The following TOMM70 variants were observed in gnomAD, a reference collection of about 807,000 sequenced individuals.
TOMM70 encodes mitochondrial import receptor subunit TOM70.
TOMM70 carries 13 observed loss-of-function variants against 73.6 expected under a neutral mutation model. The observed-to-expected ratio is 0.18, with a 90% CI of 0.11 to 0.28. The LOEUF (loss-of-function observed/expected upper bound fraction) is 0.28, where lower values mean the gene tolerates loss of function less well. Among genes scored for constraint, TOMM70 ranks in the 10% least tolerant of loss-of-function variants. The probability of loss-of-function intolerance (pLI) is 1.00; values close to 1 mark genes in which losing one functional copy is unlikely to be tolerated. For missense variants in TOMM70, 609 were observed against 747.5 expected, an observed-to-expected ratio of 0.81 and a Z score of 2.16; for synonymous variants, 257 against 271.2, an observed-to-expected ratio of 0.95 and a Z score of 0.51.
At chr3:100,371,586 T>C (rs879385544) in intron 9 of TOMM70, among the ~76,000 whole-genome samples, 4 of 152,194 alleles carry the variant, frequency 2.6e-5, no homozygotes, top group Middle Eastern at 3.4e-3. Context: ...TAATTTGTTA[T>C]CGTTTCCTAT....
At position 100,372,715 on chromosome 3, in the gene TOMM70, T is replaced by G. The variant is rs1455687980; in HGVS notation, c.1343A>C (p.Gln448Pro). Residue 448 changes from glutamine (Q) to proline (P), a missense_variant, in exon 9 of 12, where the codon CAG (glutamine) becomes CCG (proline). Around this residue, in one of 2 missense-constraint regions of TOMM70, gnomAD observed 432 missense variants for 584.1 expected, o/e 0.74. Transcript: ENST00000284320. ...TGAAGAGTTGTTTCCCGTATATGCC[T>G]GGCGGTACTATAAAAAATCAAAACA... ...QAQKCFALYRQAYTGNNSSQI... is the reference protein window; with the variant it reads ...QAQKCFALYRPAYTGNNSSQI... 1 of 1,612,716 alleles carries G rather than the reference T, an allele frequency of 6.2e-7. No homozygotes were observed. The highest frequency in any genetic ancestry group is 1.7e-5 in the Admixed American group (1 of 59,756).
chr3:100,364,878 A>G lies in TOMM70; in HGVS notation c.*686T>C, dbSNP rs1706431249. ...TACTCAGTCTTCCAACACATATATCAATTAGAATATTTTGCATCTGCATAA... is the reference window on the plus strand; with the variant it reads ...TACTCAGTCTTCCAACACATATATCGATTAGAATATTTTGCATCTGCATAA... On this transcript the variant is annotated 3_prime_UTR_variant, in exon 12 of 12. Transcript: ENST00000284320. 1 of 152,146 alleles carries G rather than the reference A, an allele frequency of 6.6e-6. No individual in the cohort carries two copies. The highest frequency in any genetic ancestry group is 2.4e-5 in the African/African-American group (1 of 41,420). The allele number at this position is 152,146 out of a possible 1,614,324, so 9.4% of individuals were successfully genotyped here.
At chr3:100,389,942 A>C (rs1706740024) in intron 1 of TOMM70, among the ~76,000 whole-genome samples, 1 of 152,150 alleles carries the variant, frequency 6.6e-6, no homozygotes, top group South Asian at 2.1e-4. Context: ...CAGGAGGCTA[A>C]GGCAGAAGAA....
intron 3 of TOMM70, 99 bp downstream of exon 3, chr3:100,386,119 A>G: frequency 7.3e-7 from 1 of 1,368,566 alleles, no homozygotes; most frequent in Admixed American, 2.3e-5. Context: ...ACTTTTAAAA[A>G]CAACTGATTC....
intron 1 of TOMM70, among the ~76,000 whole-genome samples, chr3:100,395,998 A>G (rs1706821567): frequency 6.7e-6 from 1 of 148,978 alleles, no homozygotes; most frequent in Non-Finnish European, 1.5e-5. Flanking sequence ...CTAAGAATCC[A>G]TGAGGCTGGT....
At chr3:100,399,479 G>C (rs1304501062) in intron 1 of TOMM70, among the ~76,000 whole-genome samples, 1 of 152,066 alleles carries the variant, frequency 6.6e-6, no homozygotes, top group Admixed American at 6.6e-5. Flanking sequence ...CAGACCCAGA[G>C]AAAATCCACC....
At chr3:100,393,278 T>A (rs1220639694) in intron 1 of TOMM70, among the ~76,000 whole-genome samples, 1 of 151,128 alleles carries the variant, frequency 6.6e-6, no homozygotes, top group Non-Finnish European at 1.5e-5. Context: ...AAAACAAACA[T>A]GAAATAATGT....
At chr3:100,396,014 G>GTT (rs34486101) in intron 1 of TOMM70, among the ~76,000 whole-genome samples, 31 of 140,642 alleles carry the variant, frequency 2.2e-4, no homozygotes, top group African/African-American at 5.8e-4. Flanking sequence ...CTGGTATCAG[G>GTT]TTTTTTTTTT....
In TOMM70 at chr3:100,365,408, A is replaced by G. The variant is rs1278393727; in HGVS notation, c.*156T>C. On this transcript the variant is annotated 3_prime_UTR_variant, in exon 12 of 12. Transcript: ENST00000284320. ...CAAACTTCCTTCAACAGCCACACCC[A>G]CAACACCTAGACATGAAACAGATGT... 2.6e-6 allele frequency: 3 copies of G among 1,145,874 alleles called. No individual in the cohort carries two copies. Among genetic ancestry groups the G allele is most frequent in the Non-Finnish European group, 3.6e-6 (3 of 825,264 alleles). 71.0% of individuals were successfully genotyped at this position (1,145,874 alleles called of 1,614,324 possible).
Position 100,377,874 on chromosome 3 carries a change from T to G in TOMM70, c.923A>C (p.Glu308Ala), listed in dbSNP as rs1234679515. The change falls in exon 6 of 12, where the codon GAA (glutamate) becomes GCA (alanine). Residue 308 changes from glutamate (E) to alanine (A), a missense_variant. By Grantham distance (107) the Glu-to-Ala change is moderately radical (BLOSUM62 -1). Around this residue, in one of 2 missense-constraint regions of TOMM70, gnomAD observed 432 missense variants for 584.1 expected, o/e 0.74. Transcript: ENST00000284320. ...YLKAKQYMEE[E>A]NYDKIISECS... The stretch of plus-strand genomic sequence containing the variant: ...TTCACTTATGATTTTATCGTAGTTT[T>G]CTTCTTCCATATACTGTTTGGCCTT... 1 of 1,614,086 alleles carries G rather than the reference T, an allele frequency of 6.2e-7. No homozygotes were observed. Among genetic ancestry groups the G allele is most frequent in the South Asian group, 1.1e-5 (1 of 91,078 alleles).
At chr3:100,390,778 A>G (rs1706750439) in intron 1 of TOMM70, among the ~76,000 whole-genome samples, 1 of 150,280 alleles carries the variant, frequency 6.7e-6, no homozygotes, top group African/African-American at 2.5e-5. Context: ...GTAGTGAGCC[A>G]AGATTGCGCC....
intron 4 of TOMM70, among the ~76,000 whole-genome samples, chr3:100,382,905 A>G (rs1706647201): frequency 6.6e-6 from 1 of 152,230 alleles, no homozygotes; most frequent in Non-Finnish European, 1.5e-5. Context: ...CATCTCTAAA[A>G]TGGCAATAGA....
chr3:100,385,046 T>C (rs1706674646), intron 3 of TOMM70, among the ~76,000 whole-genome samples: 1 of 152,236 alleles, frequency 6.6e-6, no homozygotes, highest in African/African-American at 2.4e-5. Flanking sequence ...TCAAGATGCA[T>C]GCAGTGGTTT....
chr3:100,381,566 C>A (rs1706634176), intron 5 of TOMM70, 49 bp downstream of exon 5: 28 of 1,566,986 alleles, frequency 1.8e-5, no homozygotes, highest in Non-Finnish European at 2.3e-5. Context: ...AAGGAAAGTT[C>A]AAAGCACCCA....
At chr3:100,380,174 C>T (rs1005580587) in intron 5 of TOMM70, among the ~76,000 whole-genome samples, 3 of 151,912 alleles carry the variant, frequency 2.0e-5, no homozygotes, top group African/African-American at 2.4e-5. Flanking sequence ...GGTGAAACTC[C>T]GTCTCTACTC....
rs1706480873 is a variant in TOMM70 at position 100,369,110 on chromosome 3, C to A, written c.1478G>T (p.Gly493Val). 6.2e-7 allele frequency: 1 copy of A among 1,613,280 alleles called. No individual in the cohort carries two copies. Among genetic ancestry groups the A allele is most frequent in the Non-Finnish European group, 8.5e-7 (1 of 1,179,692 alleles). Residue 493 changes from glycine to valine, a missense_variant, in exon 10 of 12, where the codon GGT (glycine) becomes GTT (valine). Transcript: ENST00000284320. ...TTTATCATACATTTCATCAGCTTTACCAAACTGTTGTTGATCTGTTAATGC... is the reference window on the plus strand; with the variant it reads ...TTTATCATACATTTCATCAGCTTTAACAAACTGTTGTTGATCTGTTAATGC... ...AQALTDQQQF[G>V]KADEMYDKCI...
chr3:100,377,949 A>G (rs747483264), intron 5 of TOMM70, 37 bp from the exon 6 acceptor site: 2 of 1,577,418 alleles, frequency 1.3e-6, no homozygotes, highest in Middle Eastern at 2.2e-4. Flanking sequence ...TTATTTACTA[A>G]GAAAAAATTA....
At chr3:100,375,205 C>A (rs1706548854) in intron 6 of TOMM70, 53 bp from the exon 7 acceptor site, 11 of 1,478,800 alleles carry the variant, frequency 7.4e-6, no homozygotes, top group Non-Finnish European at 9.9e-6. Flanking sequence ...TCCCTCCAAT[C>A]TAGTTTCTTT....
At chr3:100,395,623 G>A (rs1245575295) in intron 1 of TOMM70, among the ~76,000 whole-genome samples, 1 of 151,350 alleles carries the variant, frequency 6.6e-6, no homozygotes, top group Non-Finnish European at 1.5e-5. Context: ...TGAAGAGCTG[G>A]AAAATTTGAA....
Sources: gnomAD v4.1 joint callset for allele counts (sites outside exome capture counted in the v4.1 genomes callset) on GRCh38, gnomAD v4.1.1 for gene constraint, gnomAD v4.1.1 regional missense constraint, MANE v1.5 for transcripts, NCBI Gene and HGNC (gene_info 2026-07-23, HGNC 2026-07-21) for gene names.